Variants in ASB4 observed in about 807,000 individuals in gnomAD.
The protein encoded by ASB4 is ankyrin repeat and SOCS box protein 4.
A neutral mutation model predicts 38.6 loss-of-function variants in ASB4; 35 were observed. The observed-to-expected ratio is 0.91, with a 90% CI of 0.69 to 1.20. The LOEUF is 1.20. Ranked by LOEUF, ASB4 falls within the 50% of genes most tolerant of loss-of-function variation. ASB4 has a pLI of 0.00. For synonymous variants in ASB4, 195 were observed against 201.3 expected, an observed-to-expected ratio of 0.97 and a Z score of 0.26; for missense variants, 557 against 527.2, an observed-to-expected ratio of 1.06 and a Z score of -0.55.
chr7:95,498,442 C>G (rs1790282947), intron 2 of ASB4, among the ~76,000 whole-genome samples: 1 of 152,154 alleles, frequency 6.6e-6, no homozygotes, highest in Non-Finnish European at 1.5e-5. Flanking sequence ...TCTCTGATGA[C>G]TAAGGATGTT....
At chr7:95,509,041 C>A (rs1436651153) in intron 2 of ASB4, among the ~76,000 whole-genome samples, 2 of 152,140 alleles carry the variant, frequency 1.3e-5, no homozygotes, top group African/African-American at 4.8e-5. Flanking sequence ...GAATGAGATT[C>A]AGAAACGGGG....
At chr7:95,544,780 C>T (rs1022657054), downstream of ASB4, among the ~76,000 whole-genome samples, 2 of 152,002 alleles carry the variant, frequency 1.3e-5, no homozygotes, top group Admixed American at 6.6e-5. Context: ...CTGCAACCTC[C>T]GCTTCCCAGG....
upstream of ASB4, among the ~76,000 whole-genome samples, chr7:95,484,831 A>G (rs936756262): frequency 2.0e-5 from 3 of 151,914 alleles, no homozygotes; most frequent in Admixed American, 1.3e-4. Context: ...TTTATTTGAA[A>G]AATTTCAAAC....
chr7:95,529,677 T>C (rs1790792372), intron 3 of ASB4, among the ~76,000 whole-genome samples: 1 of 152,230 alleles, frequency 6.6e-6, no homozygotes, highest in South Asian at 2.1e-4. Flanking sequence ...GTCATGAATT[T>C]TCCAAAAGTT....
intron 2 of ASB4, among the ~76,000 whole-genome samples, chr7:95,506,253 T>C (rs1420136925): frequency 6.6e-6 from 1 of 152,166 alleles, no homozygotes; most frequent in Non-Finnish European, 1.5e-5. Flanking sequence ...ATTTTATCAA[T>C]GTTATTTTCT....
intron 2 of ASB4, among the ~76,000 whole-genome samples, chr7:95,519,418 G>A (rs1300416835): frequency 6.6e-6 from 1 of 152,198 alleles, no homozygotes; most frequent in East Asian, 1.9e-4. Flanking sequence ...AAAACTCTTA[G>A]TGAGTGCTCA....
chr7:95,488,200 G>T (rs1038852998), intron 1 of ASB4, among the ~76,000 whole-genome samples: 2 of 152,156 alleles, frequency 1.3e-5, no homozygotes, highest in Admixed American at 1.3e-4. Flanking sequence ...AATTAGCCAG[G>T]CGCGGTGGCG....
At chr7:95,505,701 A>G (rs1180619315) in intron 2 of ASB4, among the ~76,000 whole-genome samples, 1 of 126,112 alleles carries the variant, frequency 7.9e-6, no homozygotes, top group Non-Finnish European at 1.7e-5. Flanking sequence ...CCCCCCCCAA[A>G]TACTTATTCA....
the ASB4 span, among the ~76,000 whole-genome samples, chr7:95,551,106 G>A: frequency 5.9e-5 from 9 of 152,012 alleles, no homozygotes; most frequent in African/African-American, 1.2e-4. Context: ...TCAGCCTCCC[G>A]AATAGCTGGG....
downstream of ASB4, chr7:95,542,583 A>C (rs1790985105): frequency 1.3e-5 from 2 of 152,188 alleles, no homozygotes; most frequent in Admixed American, 1.3e-4. Context: ...GGTGCCTGCC[A>C]CCATGCCTGG....
chr7:95,516,915 C>T (rs1165337706), intron 2 of ASB4, among the ~76,000 whole-genome samples: 2 of 152,190 alleles, frequency 1.3e-5, no homozygotes, highest in Non-Finnish European at 2.9e-5. Flanking sequence ...ATGGTGTTCA[C>T]TTTCAGCTTG....
chr7:95,501,794 A>C (rs1790341995), intron 2 of ASB4, among the ~76,000 whole-genome samples: 1 of 152,136 alleles, frequency 6.6e-6, no homozygotes, highest in African/African-American at 2.4e-5. Context: ...TAGAGATGAG[A>C]AGGAAGAAAG....
intron 2 of ASB4, among the ~76,000 whole-genome samples, chr7:95,512,872 T>C (rs746677778): frequency 3.3e-5 from 5 of 152,206 alleles, no homozygotes; most frequent in Non-Finnish European, 7.4e-5. Context: ...CCTCCAAAGA[T>C]GTCTAAGTCC....
the ASB4 span, among the ~76,000 whole-genome samples, chr7:95,547,240 T>A: frequency 3.3e-5 from 5 of 152,338 alleles, no homozygotes; most frequent in East Asian, 9.6e-4. Flanking sequence ...TTAGTCAAGG[T>A]AAACAATACA....
chr7:95,524,928 G>A (rs777786777), intron 2 of ASB4, among the ~76,000 whole-genome samples: 1 of 152,202 alleles, frequency 6.6e-6, no homozygotes, highest in Non-Finnish European at 1.5e-5. Flanking sequence ...ATGGGGGCCT[G>A]TTAACAGGAA....
chr7:95,507,679 T>C (rs913409103), intron 2 of ASB4, among the ~76,000 whole-genome samples: 2 of 152,182 alleles, frequency 1.3e-5, no homozygotes, highest in African/African-American at 2.4e-5. Flanking sequence ...GAATGTTCAA[T>C]TGACAACAAG....
intron 2 of ASB4, among the ~76,000 whole-genome samples, chr7:95,505,450 C>T (rs983834472): frequency 7.9e-5 from 12 of 151,926 alleles, no homozygotes; most frequent in African/African-American, 1.9e-4. Context: ...TAAGAAGATA[C>T]CATATTCAAG....
At chr7:95,550,550 C>T in the ASB4 span, among the ~76,000 whole-genome samples, 2 of 152,184 alleles carry the variant, frequency 1.3e-5, no homozygotes, top group African/African-American at 4.8e-5. Context: ...ATCTCTTGAT[C>T]AGTCGAAAAA....
chr7:95,471,969 T>C, the ASB4 span: 1 of 151,906 alleles, frequency 6.6e-6, no homozygotes, highest in Admixed American at 6.6e-5. Flanking sequence ...TACGCTTAAG[T>C]ATTGTGCTAT....
Sources: allele counts gnomAD v4.1 joint callset (sites outside exome capture counted in the v4.1 genomes callset), GRCh38; gene constraint gnomAD v4.1.1; transcripts MANE v1.5; gene names NCBI Gene and HGNC (gene_info 2026-07-23, HGNC 2026-07-21).